Variants in PGPEP1 observed in about 807,000 individuals in gnomAD.
PGPEP1 encodes the protein pyroglutamyl-peptidase 1.
In PGPEP1, 15 loss-of-function variants were observed where a neutral mutation model predicts 24.1. The observed-to-expected ratio is 0.62, with a 90% CI of 0.42 to 0.96. The LOEUF (loss-of-function observed/expected upper bound fraction) is 0.96. PGPEP1 is among the 40% of genes least tolerant of loss of function. The pLI, the probability that PGPEP1 is intolerant of heterozygous loss-of-function variation, is 0.00. For synonymous variants in PGPEP1, 122 were observed against 116.4 expected (o/e 1.05, Z -0.31); for missense variants, 242 against 273.4 (o/e 0.89, Z 0.81).
intron 2 of PGPEP1, among the ~76,000 whole-genome samples, chr19:18,346,352 CA>C (rs1381802602): frequency 6.6e-6 from 1 of 152,134 alleles, no homozygotes; most frequent in Non-Finnish European, 1.5e-5. Context: ...GTAATGCAGG[CA>C]ACTGTTGCCA....
At position 18,369,155 on chromosome 19, in the gene PGPEP1, G is replaced by C. The variant is rs968670530; in HGVS notation, c.*5572G>C. 1.3e-5 allele frequency: 2 copies of C among 152,264 alleles called. No individual in the cohort carries two copies. The highest frequency in any genetic ancestry group is 4.8e-5 in the African/African-American group (2 of 41,444). 9.4% of individuals were successfully genotyped at this position (152,264 alleles called of 1,614,324 possible). The stretch of plus-strand genomic sequence containing the variant: ...CCCACGTCTGGAAAGCTAATTCCCG[G>C]GTGGACGCTGAACATACCTGCTGAG... On this transcript the variant is annotated 3_prime_UTR_variant, in exon 5 of 5. Transcript: ENST00000269919.
chr19:18,368,970 T>G lies in PGPEP1; in HGVS notation c.*5387T>G, dbSNP rs1600238055. 6.6e-6 allele frequency: 1 copy of G among 152,216 alleles called. No individual in the cohort carries two copies. 9.4% of individuals were successfully genotyped at this position (152,216 alleles called of 1,614,324 possible). On this transcript the variant is annotated 3_prime_UTR_variant, in exon 5 of 5. Transcript: ENST00000269919. ...AGGGCTTTGTTTTTATAATCCGGAT[T>G]AAATTTCCCTTCCCTGGGCACAAGT...
rs1971631755 is a variant in PGPEP1, at chr19:18,369,014, GC to G, written c.*5432del. 1 of 152,272 alleles carries G rather than the reference GC, an allele frequency of 6.6e-6. No individual in the cohort carries two copies. Among genetic ancestry groups the G allele is most frequent in the South Asian group, 2.1e-4 (1 of 4,836 alleles). The allele number at this position is 152,272 out of a possible 1,614,324, so 9.4% of individuals were successfully genotyped here. On this transcript the variant is annotated 3_prime_UTR_variant, in exon 5 of 5. Transcript: ENST00000269919. Reference sequence around the variant, plus strand: ...CACAAGTGCCTCATGAGGGCCCGGGGCTGCTGGTTGGGAGGGAAAGCATCCC... The same window carrying G: ...CACAAGTGCCTCATGAGGGCCCGGGGTGCTGGTTGGGAGGGAAAGCATCCC...
At chr19:18,343,914 C>G (rs1045543589) in intron 2 of PGPEP1, among the ~76,000 whole-genome samples, 1 of 151,906 alleles carries the variant, frequency 6.6e-6, no homozygotes, top group Admixed American at 6.6e-5. Context: ...AAACTCCTGA[C>G]TTCAGGTGAT....
Position 18,342,779 on chromosome 19 carries a change from A to C in PGPEP1, c.35-80A>C, listed in dbSNP as rs1970708840. On this transcript the variant is annotated intron_variant, in intron 1 of 4. Coordinates refer to ENST00000269919, the MANE Select transcript of PGPEP1 (RefSeq NM_017712.4). ...CCTGAAGCTCCTTTCTTGCTTCTCCAGGTGGGAGTAGCGGCCAGGCCAGGG... is the reference window on the plus strand; with the variant it reads ...CCTGAAGCTCCTTTCTTGCTTCTCCCGGTGGGAGTAGCGGCCAGGCCAGGG... 8 of 1,061,344 alleles carry C rather than the reference A, an allele frequency of 7.5e-6. No homozygotes were observed. The Admixed American group carries it at 8.8e-5, about 12-fold the overall frequency. The allele number at this position is 1,061,344 out of a possible 1,614,324, so 65.7% of individuals were successfully genotyped here.
intron 3 of PGPEP1, among the ~76,000 whole-genome samples, chr19:18,356,523 G>C (rs973980292): frequency 5.9e-5 from 9 of 152,040 alleles, no homozygotes; most frequent in African/African-American, 1.9e-4. Flanking sequence ...GAGGCAGGAG[G>C]ATTGCTTGAG....
intron 2 of PGPEP1, 68 bp from the exon 3 acceptor site, chr19:18,355,827 C>A: frequency 1.0e-6 from 1 of 984,376 alleles, no homozygotes; most frequent in Non-Finnish European, 1.6e-6. Context: ...TGTTTCACCC[C>A]CCAGAGAGCG....
At chr19:18,355,291 G>A (rs936272550) in intron 2 of PGPEP1, among the ~76,000 whole-genome samples, 6 of 136,586 alleles carry the variant, frequency 4.4e-5, no homozygotes, top group East Asian at 2.2e-4. Context: ...ATGGAGTTTC[G>A]CTCTTGTTGC....
At chr19:18,346,508 G>C (rs1423913856) in intron 2 of PGPEP1, among the ~76,000 whole-genome samples, 1 of 151,780 alleles carries the variant, frequency 6.6e-6, no homozygotes, top group Non-Finnish European at 1.5e-5. Context: ...TGCTCCCTCT[G>C]GGTCTCTCTC....
At chr19:18,354,305 C>T (rs1263832644) in intron 2 of PGPEP1, among the ~76,000 whole-genome samples, 1 of 151,898 alleles carries the variant, frequency 6.6e-6, no homozygotes, top group African/African-American at 2.4e-5. Context: ...ACCATCCTGG[C>T]TAACACAGTG....
chr19:18,347,273 T>TTTTG (rs1457789885), intron 2 of PGPEP1, among the ~76,000 whole-genome samples: 4 of 133,372 alleles, frequency 3.0e-5, no homozygotes, highest in African/African-American at 1.1e-4. Flanking sequence ...TTTCTTTCTT[T>TTTTG]TTTTTTTTTT....
intron 2 of PGPEP1, among the ~76,000 whole-genome samples, chr19:18,346,295 G>A (rs1357230819): frequency 6.6e-6 from 1 of 152,126 alleles, no homozygotes; most frequent in Non-Finnish European, 1.5e-5. Context: ...ACTGCTGGAT[G>A]GGTTGAATCC....
chr19:18,363,020 A>G (rs1971388210), intron 4 of PGPEP1, among the ~76,000 whole-genome samples: 1 of 88,540 alleles, frequency 1.1e-5, no homozygotes, highest in South Asian at 4.0e-4. Flanking sequence ...GGGAGTTATC[A>G]AGTTTTTTTT....
chr19:18,352,265 T>TAAAAAAAAAAA (rs1971051269), intron 2 of PGPEP1, among the ~76,000 whole-genome samples: 1 of 12,270 alleles, frequency 8.1e-5, no homozygotes, highest in Non-Finnish European at 1.6e-4. Flanking sequence ...AGACTCCGTC[T>TAAAAAAAAAAA]CAAAAAAAAA....
intron 2 of PGPEP1, chr19:18,349,162 GTT>G: frequency 1.1e-6 from 1 of 913,750 alleles, no homozygotes; most frequent in Non-Finnish European, 1.3e-6. Context: ...TTTCTTTCTT[GTT>G]TTTTTGTTTG....
At chr19:18,342,826 T>C in intron 1 of PGPEP1, 33 bp from the exon 2 acceptor site, 1 of 1,587,950 alleles carries the variant, frequency 6.3e-7, no homozygotes, top group East Asian at 2.2e-5. Context: ...AGGGCCACTC[T>C]TGGGTAATAT....
Position 18,365,669 on chromosome 19 carries a change from G to C in PGPEP1, c.*2086G>C, listed in dbSNP as rs1288363691. Reference sequence around the variant, plus strand: ...CAGTTCTTTCTTAAAACAGCTGAGAGTTTTGTTTTCTTCAGCGTTCACCTT... The same window carrying C: ...CAGTTCTTTCTTAAAACAGCTGAGACTTTTGTTTTCTTCAGCGTTCACCTT... On this transcript the variant is annotated 3_prime_UTR_variant, in exon 5 of 5. Coordinates refer to ENST00000269919, the MANE Select transcript of PGPEP1 (RefSeq NM_017712.4). 1 of 152,226 alleles carries C rather than the reference G, an allele frequency of 6.6e-6. No homozygotes were observed. The highest frequency in any genetic ancestry group is 2.4e-5 in the African/African-American group (1 of 41,444). 9.4% of individuals were successfully genotyped at this position (152,226 alleles called of 1,614,324 possible).
chr19:18,345,538 C>A (rs895025715), intron 2 of PGPEP1, among the ~76,000 whole-genome samples: 9 of 150,074 alleles, frequency 6.0e-5, no homozygotes, highest in African/African-American at 2.2e-4. Context: ...TCCTGGCCAA[C>A]ATAGCAAGAC....
At chr19:18,345,210 C>T (rs1404813714) in intron 2 of PGPEP1, among the ~76,000 whole-genome samples, 1 of 151,948 alleles carries the variant, frequency 6.6e-6, no homozygotes, top group East Asian at 1.9e-4. Flanking sequence ...CCATGTTGAC[C>T]AGGCTGGTCT....
Sources: allele counts gnomAD v4.1 joint callset (sites outside exome capture counted in the v4.1 genomes callset), GRCh38; gene constraint gnomAD v4.1.1; transcripts MANE v1.5; gene names NCBI Gene and HGNC (gene_info 2026-07-23, HGNC 2026-07-21).